TMC2: variants seen among roughly 807,000 people sequenced by gnomAD.
The protein encoded by TMC2 is transmembrane channel-like protein 2.
A neutral mutation model predicts 105.9 loss-of-function variants in TMC2; 102 were observed. The ratio of observed to expected loss-of-function variants is 0.96; its 90% CI spans 0.82 to 1.14. The LOEUF (loss-of-function observed/expected upper bound fraction) is 1.14, where lower values mean the gene tolerates loss of function less well. Among genes scored for constraint, TMC2 ranks in the 50% most tolerant of loss-of-function variants. The pLI is 0.00. For synonymous variants in TMC2, 402 were observed against 422.8 expected (o/e 0.95, Z 0.60); for missense variants, 1,093 against 1,134.3 (o/e 0.96, Z 0.52).
chr20:2,551,401 GT>G (rs34215696), intron 2 of TMC2, among the ~76,000 whole-genome samples: 8,853 of 144,294 alleles, frequency 0.061, 814 homozygotes, highest in African/African-American at 0.2. Context: ...TAGTTTGTGG[GT>G]TTTTTTTTTT....
rs138105190 is a variant in TMC2, at chr20:2,640,247, C to T, written c.2504-887C>T. Among the ~76,000 whole-genome samples the T allele has an allele frequency of 1.3e-3, 197 of 152,254 alleles. 1 individual carries two copies. Among genetic ancestry groups the T allele is most frequent in the African/African-American group, 3.9e-3 (161 of 41,546 alleles). On this transcript the variant is annotated intron_variant, in intron 19 of 19. Transcript: ENST00000358864. ...TCAGCCTCAAGTGATCCGCCTCAAA[C>T]GGCCTCCCAAAGTGCTGGGATTACA...
chr20:2,595,263 G>T (rs950244418), intron 9 of TMC2, among the ~76,000 whole-genome samples: 1 of 152,202 alleles, frequency 6.6e-6, no homozygotes, highest in Non-Finnish European at 1.5e-5. Flanking sequence ...CCCTGAGGCC[G>T]CAAATAGCCT....
intron 2 of TMC2, among the ~76,000 whole-genome samples, chr20:2,557,490 T>G (rs1215788341): frequency 1.3e-5 from 2 of 152,218 alleles, no homozygotes; most frequent in Non-Finnish European, 1.5e-5. Context: ...GTTGTCCATT[T>G]TATCCATTAG....
intron 11 of TMC2, among the ~76,000 whole-genome samples, chr20:2,609,976 T>C (rs1489235645): frequency 6.6e-6 from 1 of 152,168 alleles, no homozygotes; most frequent in Non-Finnish European, 1.5e-5. Flanking sequence ...GCCTCCCAAG[T>C]AGCTGGGATT....
rs377452607 is a variant in TMC2 at position 2,602,528 on chromosome 20, G to T, written c.1413+227G>T. 1.1e-3 allele frequency among the ~76,000 whole-genome samples: 175 copies of T among 152,322 alleles called. 3 individuals are homozygous for T. Among genetic ancestry groups the T allele is most frequent in the African/African-American group, 4.1e-3 (171 of 41,562 alleles). Reference sequence around the variant, plus strand: ...ACTAGAAAAACTGGATTAGCAACTGGATAGCCACCTGTGCAACACCAATTA... The same window carrying T: ...ACTAGAAAAACTGGATTAGCAACTGTATAGCCACCTGTGCAACACCAATTA... On this transcript the variant is annotated intron_variant, in intron 11 of 19. Transcript: ENST00000358864.
chr20:2,541,757 C>T (rs1000340752), intron 2 of TMC2, among the ~76,000 whole-genome samples: 5 of 151,970 alleles, frequency 3.3e-5, no homozygotes, highest in Admixed American at 1.3e-4. Context: ...ATTTATATTG[C>T]GACCAGTAAT....
intron 11 of TMC2, among the ~76,000 whole-genome samples, chr20:2,603,645 C>T (rs1167629459): frequency 6.6e-6 from 1 of 152,082 alleles, no homozygotes; most frequent in Non-Finnish European, 1.5e-5. Flanking sequence ...CCTAAAAATG[C>T]TCATTTAAAG....
Position 2,616,174 on chromosome 20 carries a change from T to C in TMC2, c.1910T>C (p.Leu637Pro), listed in dbSNP as rs1350245567. 1.9e-6 allele frequency: 3 copies of C among 1,613,650 alleles called. No homozygotes were observed. Among genetic ancestry groups the C allele is most frequent in the East Asian group, 2.2e-5 (1 of 44,890 alleles). ...YAEFDISGNV[L>P]GLIFNQGMIW... is the part of the protein sequence containing the mutation. ...GAGTTTGATATTAGTGGAAATGTGC[T>C]GGGTTTGATCTTCAACCAAGGAATG... The change falls in exon 15 of 20, where the codon CTG (leucine) becomes CCG (proline). Residue 637 changes from leucine to proline, a missense_variant. By Grantham distance (98) the Leu-to-Pro change is moderately conservative (BLOSUM62 -3). Transcript: ENST00000358864. This position sits in a 1 kb window ranked among gnomAD's most constrained non-coding sequence, Gnocchi z 4.8.
chr20:2,594,779 G>T, intron 8 of TMC2, 46 bp from the exon 9 acceptor site: 1 of 1,600,482 alleles, frequency 6.2e-7, no homozygotes, highest in Non-Finnish European at 8.5e-7. Flanking sequence ...GTAACCACCA[G>T]CTCTGAGCTT....
At chr20:2,596,731 GTGTGTGTGTGTGTA>G in intron 9 of TMC2, among the ~76,000 whole-genome samples, 1 of 151,474 alleles carries the variant, frequency 6.6e-6, no homozygotes, top group African/African-American at 2.4e-5. Flanking sequence ...GTGTGTGTGT[GTGTGTGTGTGTGTA>G]TGTGTGTGTG....
intron 7 of TMC2, among the ~76,000 whole-genome samples, chr20:2,590,018 G>A (rs2086258419): frequency 6.6e-6 from 1 of 152,184 alleles, no homozygotes; most frequent in Admixed American, 6.5e-5. Context: ...AAATGTCTAT[G>A]AAGAGTAGAC....
chr20:2,555,935 A>G (rs946171351), intron 2 of TMC2, among the ~76,000 whole-genome samples: 2 of 152,174 alleles, frequency 1.3e-5, no homozygotes, highest in African/African-American at 4.8e-5. Flanking sequence ...GGTATTCCCA[A>G]TGTCTCCCTC....
intron 7 of TMC2, among the ~76,000 whole-genome samples, chr20:2,584,299 C>A (rs1361827750): frequency 1.4e-5 from 2 of 147,332 alleles, no homozygotes; most frequent in Non-Finnish European, 2.9e-5. Context: ...AAAAAATTAG[C>A]CGGGCGTAGT....
intron 5 of TMC2, among the ~76,000 whole-genome samples, chr20:2,574,535 T>C (rs2086129295): frequency 1.3e-5 from 2 of 152,248 alleles, no homozygotes; most frequent in Admixed American, 6.5e-5. Context: ...ATAGAATACC[T>C]TGAAATTTTT....
chr20:2,599,029 A>G (rs569943482), intron 10 of TMC2, among the ~76,000 whole-genome samples: 1 of 152,300 alleles, frequency 6.6e-6, no homozygotes, highest in South Asian at 2.1e-4. Flanking sequence ...GAGTGTATGT[A>G]TAATTGAGTG....
At chr20:2,575,073 A>G (rs1345766059) in intron 5 of TMC2, among the ~76,000 whole-genome samples, 1 of 152,060 alleles carries the variant, frequency 6.6e-6, no homozygotes, top group Non-Finnish European at 1.5e-5. Flanking sequence ...TTCCAGTTAT[A>G]CTTGCCAGAC....
chr20:2,548,638 CAA>C (rs148686160), intron 2 of TMC2, among the ~76,000 whole-genome samples: 1 of 136,058 alleles, frequency 7.3e-6, no homozygotes, highest in Non-Finnish European at 1.6e-5. Context: ...AACTCCATCT[CAA>C]AAAAAAAAAA....
intron 2 of TMC2, among the ~76,000 whole-genome samples, chr20:2,537,658 C>T (rs1170981530): frequency 2.0e-5 from 3 of 150,758 alleles, no homozygotes; most frequent in East Asian, 1.9e-4. Context: ...TCCAGGCCCC[C>T]GGACTCTAGG....
Position 2,586,315 on chromosome 20 carries a change from A to G in TMC2, c.835-5995A>G, listed in dbSNP as rs546043287. The stretch of plus-strand genomic sequence containing the variant: ...GGGACAGGCATAAGATAAATGCTAT[A>G]GACATGCCTGTGTTCAAACAGGAGA... On this transcript the variant is annotated intron_variant, in intron 7 of 19. Coordinates refer to ENST00000358864, the MANE Select transcript of TMC2 (RefSeq NM_080751.3). Among the ~76,000 whole-genome samples, 8 of 152,376 alleles carry G rather than the reference A, an allele frequency of 5.3e-5. No homozygotes were observed. The South Asian group carries it at 1.7e-3, about 32-fold the overall frequency.
Sources: gnomAD v4.1 joint callset for allele counts (sites outside exome capture counted in the v4.1 genomes callset) on GRCh38, gnomAD v4.1.1 for gene constraint, Gnocchi (gnomAD v3.1) non-coding constraint, MANE v1.5 for transcripts, NCBI Gene and HGNC (gene_info 2026-07-23, HGNC 2026-07-21) for gene names.